Variants in KCNIP1 observed in about 807,000 individuals in gnomAD.
KCNIP1 encodes the protein potassium voltage-gated channel interacting protein 1.
In KCNIP1, 18 loss-of-function variants were observed where a neutral mutation model predicts 33.0. The observed-to-expected ratio is 0.55, with a 90% CI of 0.38 to 0.81. The LOEUF (loss-of-function observed/expected upper bound fraction) is 0.81, where lower values mean the gene tolerates loss of function less well. Ranked by LOEUF, KCNIP1 falls within the 30% of genes least tolerant of loss-of-function variation. The pLI, the probability that KCNIP1 is intolerant of heterozygous loss-of-function variation, is 0.00. For missense variants in KCNIP1, 238 were observed against 271.6 expected (o/e 0.88, Z 0.87); for synonymous variants, 93 against 98.3 (o/e 0.95, Z 0.32).
At chr5:170,593,478 G>A (rs1561706121) in intron 1 of KCNIP1, among the ~76,000 whole-genome samples, 2 of 152,178 alleles carry the variant, frequency 1.3e-5, no homozygotes, top group Admixed American at 6.5e-5. Context: ...GAGTAACACC[G>A]CCTTCCATCT....
chr5:170,508,704 AC>A, intron 1 of KCNIP1, among the ~76,000 whole-genome samples: 1 of 152,028 alleles, frequency 6.6e-6, no homozygotes, highest in East Asian at 1.9e-4. Context: ...ATGCTCTCCC[AC>A]CCCACCCCTT....
intron 2 of KCNIP1, 134 bp downstream of exon 2, chr5:170,719,016 G>T (rs763967497): frequency 2.1e-5 from 24 of 1,152,014 alleles, no homozygotes; most frequent in East Asian, 2.7e-5. Flanking sequence ...TATAAAGGGG[G>T]CATGAGAGGG....
intron 1 of KCNIP1, among the ~76,000 whole-genome samples, chr5:170,624,746 G>GA (rs1215241103): frequency 1.6e-5 from 2 of 126,140 alleles, no homozygotes; most frequent in African/African-American, 6.0e-5. Flanking sequence ...GGGGGAGAGG[G>GA]GAGGGGAGGA....
At position 170,734,339 on chromosome 5, in the gene KCNIP1, C is replaced by T. The variant is rs147997832; in HGVS notation, c.603+441C>T. Among the ~76,000 whole-genome samples the T allele has an allele frequency of 1.8e-4, 28 of 152,286 alleles. No individual in the cohort carries two copies. In the East Asian group the frequency reaches 4.6e-3, roughly 25 times the overall value. ...GATTCTGAAAATGCATATTTCCAGG[C>T]CTCAATCCCAGAGACTCTAGATCTG... is the stretch of plus-strand genomic sequence containing the variant. On this transcript the variant is annotated intron_variant, in intron 7 of 7. Coordinates refer to ENST00000328939, the MANE Select transcript of KCNIP1 (RefSeq NM_014592.4).
intron 1 of KCNIP1, among the ~76,000 whole-genome samples, chr5:170,368,931 G>T (rs1763773801): frequency 6.6e-6 from 1 of 152,142 alleles, no homozygotes; most frequent in East Asian, 1.9e-4. Flanking sequence ...ACTCTCAAAT[G>T]GTTCAGAAAC....
intron 2 of KCNIP1, 95 bp from the exon 3 acceptor site, chr5:170,720,226 G>A: frequency 3.6e-6 from 3 of 844,446 alleles, no homozygotes; most frequent in South Asian, 2.8e-5. Context: ...CTGTCCCTGG[G>A]GATCATGAGG....
At chr5:170,425,264 A>T (rs1353985631) in intron 1 of KCNIP1, among the ~76,000 whole-genome samples, 3 of 152,224 alleles carry the variant, frequency 2.0e-5, no homozygotes, top group Non-Finnish European at 1.5e-5. Flanking sequence ...GTAAGTGTTC[A>T]ATAACTATTA....
intron 1 of KCNIP1, chr5:170,681,107 G>A (rs1762328279): frequency 2.5e-6 from 1 of 399,348 alleles, no homozygotes; most frequent in Non-Finnish European, 4.4e-6. Flanking sequence ...TCCAGACACT[G>A]GGAATAGTGG....
chr5:170,448,171 C>T (rs191620155), intron 1 of KCNIP1, among the ~76,000 whole-genome samples: 1 of 152,268 alleles, frequency 6.6e-6, no homozygotes, highest in East Asian at 1.9e-4. Context: ...GTTGCCCAGC[C>T]TATTGATATT....
intron 1 of KCNIP1, among the ~76,000 whole-genome samples, chr5:170,661,192 G>A (rs1003822991): frequency 1.3e-5 from 2 of 152,212 alleles, no homozygotes; most frequent in Non-Finnish European, 2.9e-5. Flanking sequence ...GAGAGGCTGG[G>A]TGAGGCTTGA....
chr5:170,729,641 G>C (rs1764128574), intron 5 of KCNIP1, among the ~76,000 whole-genome samples: 2 of 152,042 alleles, frequency 1.3e-5, no homozygotes, highest in South Asian at 4.1e-4. Flanking sequence ...ACATATATTA[G>C]AGACCTCACT....
chr5:170,474,007 C>T (rs541831936), intron 1 of KCNIP1, among the ~76,000 whole-genome samples: 1 of 152,276 alleles, frequency 6.6e-6, no homozygotes, highest in East Asian at 1.9e-4. Flanking sequence ...TGACTGTAGG[C>T]GACCAGGAAT....
At chr5:170,467,451 G>A (rs1009256374) in intron 1 of KCNIP1, among the ~76,000 whole-genome samples, 1 of 152,168 alleles carries the variant, frequency 6.6e-6, no homozygotes, top group African/African-American at 2.4e-5. Flanking sequence ...TTTGGCCTGA[G>A]TGGGGAGGAG....
At chr5:170,456,007 T>C (rs560512087) in intron 1 of KCNIP1, among the ~76,000 whole-genome samples, 1 of 152,306 alleles carries the variant, frequency 6.6e-6, no homozygotes, top group South Asian at 2.1e-4. Context: ...GACACATGCA[T>C]ACATATATTT....
intron 1 of KCNIP1, among the ~76,000 whole-genome samples, chr5:170,685,086 C>T (rs1762497251): frequency 6.6e-6 from 1 of 152,068 alleles, no homozygotes; most frequent in Non-Finnish European, 1.5e-5. Flanking sequence ...AACCTTTGGC[C>T]TCTCCTTGCC....
At chr5:170,664,272 C>G (rs1043728309) in intron 1 of KCNIP1, among the ~76,000 whole-genome samples, 5 of 152,210 alleles carry the variant, frequency 3.3e-5, no homozygotes, top group African/African-American at 9.6e-5. Context: ...CATGTCTGCT[C>G]TACCTGCAGG....
chr5:170,630,404 G>T (rs1249687693), intron 1 of KCNIP1, among the ~76,000 whole-genome samples: 1 of 152,174 alleles, frequency 6.6e-6, no homozygotes, highest in Non-Finnish European at 1.5e-5. Context: ...AATGACTTCT[G>T]CCCAGGGTGG....
intron 1 of KCNIP1, among the ~76,000 whole-genome samples, chr5:170,386,943 G>A (rs564234199): frequency 4.1e-4 from 62 of 152,032 alleles, no homozygotes; most frequent in African/African-American, 1.3e-3. Flanking sequence ...GCTCCTGATC[G>A]CTCCCCCAGG....
At chr5:170,356,984 T>G (rs533567126) in intron 1 of KCNIP1, among the ~76,000 whole-genome samples, 1 of 152,112 alleles carries the variant, frequency 6.6e-6, no homozygotes, top group South Asian at 2.1e-4. Context: ...TGAGCTTGCA[T>G]AGTGTCTAGG....
Sources: allele counts gnomAD v4.1 joint callset (sites outside exome capture counted in the v4.1 genomes callset), GRCh38; gene constraint gnomAD v4.1.1; transcripts MANE v1.5; gene names NCBI Gene and HGNC (gene_info 2026-07-23, HGNC 2026-07-21).